Variants in CCDC7 observed in about 807,000 individuals in gnomAD.
The protein encoded by CCDC7 is coiled-coil domain-containing protein 7.
In CCDC7, 183 loss-of-function variants were observed where a neutral mutation model predicts 196.9. That is an observed-to-expected ratio of 0.93 (90% confidence interval 0.82 to 1.05). CCDC7 has a LOEUF of 1.05. CCDC7 is among the 50% of genes least tolerant of loss of function. The pLI is 0.00. For missense variants in CCDC7, 1,540 were observed against 1,482.2 expected, an observed-to-expected ratio of 1.04 and a Z score of -0.64; for synonymous variants, 525 against 484.6, an observed-to-expected ratio of 1.08 and a Z score of -1.10.
At chr10:32,805,628 A>G (rs1287109724) in intron 30 of CCDC7, among the ~76,000 whole-genome samples, 2 of 152,220 alleles carry the variant, frequency 1.3e-5, no homozygotes, top group Non-Finnish European at 2.9e-5. Context: ...GTTAGGCAAA[A>G]CACCCTTTGA....
intron 18 of CCDC7, among the ~76,000 whole-genome samples, chr10:32,612,282 T>G (rs2062236736): frequency 6.6e-6 from 1 of 152,220 alleles, no homozygotes; most frequent in African/African-American, 2.4e-5. Flanking sequence ...ATCCTGAGAC[T>G]TTGCTGAAGT....
At chr10:32,839,144 T>C (rs1018297446) in intron 33 of CCDC7, among the ~76,000 whole-genome samples, 1 of 151,922 alleles carries the variant, frequency 6.6e-6, no homozygotes, top group African/African-American at 2.4e-5. Context: ...ATCTCAATAC[T>C]AACATTGAAT....
chr10:32,447,968 A>G (rs1182959289), upstream of CCDC7, among the ~76,000 whole-genome samples: 1 of 152,142 alleles, frequency 6.6e-6, no homozygotes, highest in Non-Finnish European at 1.5e-5. Flanking sequence ...TAATGTGTTT[A>G]TTTACTATTA....
chr10:32,584,001 A>G (rs932344442), intron 17 of CCDC7, among the ~76,000 whole-genome samples: 5 of 152,026 alleles, frequency 3.3e-5, no homozygotes, highest in African/African-American at 1.2e-4. Flanking sequence ...TTGCCTGGGC[A>G]CCCTCCTTGC....
At chr10:32,747,098 C>T (rs1025763173) in intron 28 of CCDC7, among the ~76,000 whole-genome samples, 4 of 152,194 alleles carry the variant, frequency 2.6e-5, no homozygotes, top group Non-Finnish European at 4.4e-5. Flanking sequence ...CCCTTGGCCC[C>T]TGCAAGCATA....
At chr10:32,543,380 A>G (rs1301152133) in exon 12 of CCDC7, 3 of 1,383,098 alleles carry the variant, frequency 2.2e-6, no homozygotes, top group Non-Finnish European at 2.9e-6. Flanking sequence ...CTGAGGATTC[A>G]GAAAAGTAAG....
In CCDC7 at chr10:32,836,448, G is replaced by T. The variant is rs193249985; in HGVS notation, c.3352+1550G>T. ...AAAATTCTAGTTCTAGATCCTTGAGGAATCACCACACTGACTTCCACAATG... is the reference window on the plus strand; with the variant it reads ...AAAATTCTAGTTCTAGATCCTTGAGTAATCACCACACTGACTTCCACAATG... On this transcript the variant is annotated intron_variant, in intron 33 of 41. Coordinates refer to ENST00000639629, the Ensembl canonical transcript of CCDC7. Among the ~76,000 whole-genome samples, 180 of 152,222 alleles carry T rather than the reference G, an allele frequency of 1.2e-3. 1 individual carries two copies. The highest frequency in any genetic ancestry group is 1.8e-3 in the Non-Finnish European group (124 of 68,024).
chr10:32,542,195 G>A (rs2051562456), intron 11 of CCDC7, among the ~76,000 whole-genome samples: 1 of 152,102 alleles, frequency 6.6e-6, no homozygotes, highest in Non-Finnish European at 1.5e-5. Context: ...CTACTACACA[G>A]CAGCTCAAGA....
chr10:32,656,850 C>T (rs1175406898), intron 20 of CCDC7, among the ~76,000 whole-genome samples: 1 of 152,216 alleles, frequency 6.6e-6, no homozygotes, highest in East Asian at 1.9e-4. Context: ...CAAGTCCCTT[C>T]TGCCTATCAC....
intron 2 of CCDC7, among the ~76,000 whole-genome samples, chr10:32,454,637 T>C (rs141648436): frequency 1.2e-3 from 187 of 152,260 alleles, no homozygotes; most frequent in Non-Finnish European, 2.0e-3. Flanking sequence ...TCCTGTGGTC[T>C]CCAATACTGA....
intron 13 of CCDC7, among the ~76,000 whole-genome samples, chr10:32,563,098 T>G (rs7895958): frequency 0.92 from 139,422 of 151,140 alleles, 65,309 homozygotes; most frequent in East Asian, 1. Context: ...ACAAGGGATG[T>G]GAAGGACCTC....
At chr10:32,598,507 G>A (rs1194278569) in intron 18 of CCDC7, among the ~76,000 whole-genome samples, 1 of 152,144 alleles carries the variant, frequency 6.6e-6, no homozygotes, top group Non-Finnish European at 1.5e-5. Flanking sequence ...TGTCTGGGAA[G>A]CCCCAGTGAG....
chr10:32,778,944 A>T, intron 28 of CCDC7, 33 bp from the exon 30 acceptor site: 1 of 1,493,288 alleles, frequency 6.7e-7, no homozygotes. Context: ...AGTTTTTTAA[A>T]TCAACTACTT....
intron 39 of CCDC7, among the ~76,000 whole-genome samples, chr10:32,850,597 C>A (rs544862878): frequency 2.0e-5 from 3 of 152,262 alleles, no homozygotes; most frequent in African/African-American, 7.2e-5. Flanking sequence ...ATATTCATGG[C>A]CCTCCCACAT....
At chr10:32,706,277 C>G (rs2079737847) in intron 24 of CCDC7, among the ~76,000 whole-genome samples, 1 of 152,008 alleles carries the variant, frequency 6.6e-6, no homozygotes, top group Admixed American at 6.5e-5. Flanking sequence ...CCAATGAGAA[C>G]AAAGACACAA....
intron 8 of CCDC7, among the ~76,000 whole-genome samples, chr10:32,483,368 T>G (rs1482260837): frequency 1.3e-5 from 2 of 152,230 alleles, no homozygotes; most frequent in African/African-American, 4.8e-5. Flanking sequence ...TAAATTTGTT[T>G]GAGTTCATTG....
At chr10:32,578,182 CA>C (rs1303618324) in intron 16 of CCDC7, among the ~76,000 whole-genome samples, 1 of 151,952 alleles carries the variant, frequency 6.6e-6, no homozygotes, top group Non-Finnish European at 1.5e-5. Context: ...TTTGAAGAAT[CA>C]CCAGGTGTAA....
chr10:32,825,525 T>C (rs1565624919), intron 32 of CCDC7, among the ~76,000 whole-genome samples: 2 of 152,198 alleles, frequency 1.3e-5, no homozygotes, highest in Non-Finnish European at 2.9e-5. Context: ...ATATCATCTG[T>C]ATCTATCTAT....
chr10:32,797,677 A>T (rs1470573293), intron 29 of CCDC7, among the ~76,000 whole-genome samples: 3 of 152,216 alleles, frequency 2.0e-5, no homozygotes, highest in Admixed American at 2.0e-4. Flanking sequence ...ATAGTTTAAA[A>T]AATAAATAAA....
Sources: allele counts gnomAD v4.1 joint callset (sites outside exome capture counted in the v4.1 genomes callset), GRCh38; gene constraint gnomAD v4.1.1; transcripts MANE v1.5; gene names NCBI Gene and HGNC (gene_info 2026-07-23, HGNC 2026-07-21).